Variants in CDC14A observed in about 807,000 individuals in gnomAD.
CDC14A encodes dual specificity protein phosphatase CDC14A.
A neutral mutation model predicts 74.4 loss-of-function variants in CDC14A; 53 were observed. That is an observed-to-expected ratio of 0.71 (90% CI 0.57 to 0.89). The LOEUF is 0.89. CDC14A is among the 40% of genes least tolerant of loss of function. The probability of loss-of-function intolerance (pLI) is 0.00; values close to 1 mark genes in which losing one functional copy is unlikely to be tolerated. For synonymous variants in CDC14A, 247 were observed against 258.4 expected (o/e 0.96, Z 0.43); for missense variants, 646 against 713.7 (o/e 0.91, Z 1.08).
chr1:100,464,667 C>T (rs1021254439), intron 9 of CDC14A, among the ~76,000 whole-genome samples: 9 of 152,102 alleles, frequency 5.9e-5, no homozygotes, highest in Admixed American at 4.6e-4. Context: ...ATTATTACTA[C>T]GTCGTAGAGT....
intron 10 of CDC14A, among the ~76,000 whole-genome samples, chr1:100,473,738 T>TG (rs1396327380): frequency 6.6e-6 from 1 of 152,168 alleles, no homozygotes; most frequent in African/African-American, 2.4e-5. Context: ...GAGTTTTATA[T>TG]GGGAGTGTGT....
chr1:100,445,139 A>G (rs887234160), intron 7 of CDC14A, among the ~76,000 whole-genome samples: 3 of 152,230 alleles, frequency 2.0e-5, no homozygotes, highest in Admixed American at 6.5e-5. Context: ...AATGATTTCT[A>G]TAATGTTTGT....
chr1:100,448,286 C>G (rs528051688), intron 7 of CDC14A, among the ~76,000 whole-genome samples: 1 of 152,294 alleles, frequency 6.6e-6, no homozygotes, highest in East Asian at 1.9e-4. Flanking sequence ...TTATCTGCCC[C>G]CTGCCATAAC....
intron 5 of CDC14A, among the ~76,000 whole-genome samples, chr1:100,429,008 C>A (rs1411548743): frequency 6.6e-6 from 1 of 151,894 alleles, no homozygotes; most frequent in Non-Finnish European, 1.5e-5. Flanking sequence ...CGAGACCAGC[C>A]TGGCCAACAA....
chr1:100,390,671 T>C (rs1657568518), intron 3 of CDC14A, 61 bp from the exon 4 acceptor site: 4 of 1,055,180 alleles, frequency 3.8e-6, no homozygotes, highest in Non-Finnish European at 5.9e-6. Context: ...GATGTTTGCC[T>C]TCTGTATATG....
At chr1:100,485,179 G>T in intron 11 of CDC14A, 1 of 985,320 alleles carries the variant, frequency 1.0e-6, no homozygotes, top group Non-Finnish European at 1.2e-6. Context: ...AACACCATTT[G>T]TTTGGTTCCA....
intron 2 of CDC14A, among the ~76,000 whole-genome samples, chr1:100,368,818 C>T (rs1212504460): frequency 6.6e-6 from 1 of 152,110 alleles, no homozygotes; most frequent in African/African-American, 2.4e-5. Context: ...TGTGTAGTTC[C>T]CACTTATAAA....
chr1:100,430,258 T>C (rs558616745), intron 5 of CDC14A, among the ~76,000 whole-genome samples: 1 of 152,330 alleles, frequency 6.6e-6, no homozygotes, highest in South Asian at 2.1e-4. Context: ...GTATTTTATT[T>C]AATGTGAACA....
chr1:100,415,888 T>G (rs1476724235), intron 4 of CDC14A, among the ~76,000 whole-genome samples: 2 of 152,232 alleles, frequency 1.3e-5, no homozygotes, highest in African/African-American at 4.8e-5. Flanking sequence ...TAAAAAATTA[T>G]AAAGTTGAAT....
At chr1:100,428,067 A>C (rs1032434166) in intron 5 of CDC14A, among the ~76,000 whole-genome samples, 32 of 152,244 alleles carry the variant, frequency 2.1e-4, no homozygotes, top group African/African-American at 7.5e-4. Flanking sequence ...CGAAGTTCAC[A>C]GTATGGGTAC....
At chr1:100,509,928 A>G (rs1649577215) in intron 15 of CDC14A, among the ~76,000 whole-genome samples, 1 of 152,158 alleles carries the variant, frequency 6.6e-6, no homozygotes, top group Admixed American at 6.5e-5. Flanking sequence ...AATAAGGTTG[A>G]CCCATTCTAT....
intron 11 of CDC14A, among the ~76,000 whole-genome samples, chr1:100,489,056 A>G (rs1052076955): frequency 6.6e-6 from 1 of 152,170 alleles, no homozygotes; most frequent in African/African-American, 2.4e-5. Context: ...GTGGCAGTGA[A>G]TGGGGCAGCC....
At chr1:100,401,343 T>C (rs2101013621) in intron 4 of CDC14A, among the ~76,000 whole-genome samples, 1 of 152,190 alleles carries the variant, frequency 6.6e-6, no homozygotes, top group East Asian at 2.0e-4. Context: ...AATGAATGAC[T>C]GTTTAATTGA....
At chr1:100,430,228 A>G (rs1318445511) in intron 5 of CDC14A, among the ~76,000 whole-genome samples, 1 of 152,256 alleles carries the variant, frequency 6.6e-6, no homozygotes, top group Non-Finnish European at 1.5e-5. Context: ...TCTTGGAAAT[A>G]GATGGCTTAT....
chr1:100,520,134 T>C lies in CDC14A; in HGVS notation c.*1854T>C, dbSNP rs1194712027. On this transcript the variant is annotated 3_prime_UTR_variant, in exon 16 of 16. Coordinates refer to ENST00000336454, the MANE Select transcript of CDC14A (RefSeq NM_003672.4). ...GGATGTATATAATATAGAAAGTATA[T>C]AGCAAAGTAATTTTACTCTGATAAT... 6.6e-6 allele frequency: 1 copy of C among 152,554 alleles called. No individual in the cohort carries two copies. Among genetic ancestry groups the C allele is most frequent in the South Asian group, 2.1e-4 (1 of 4,828 alleles). 9.5% of individuals were successfully genotyped at this position (152,554 alleles called of 1,614,324 possible). A position where few individuals can be genotyped will look rare whatever the true frequency, so the allele number is the denominator to read the frequency against.
At chr1:100,489,962 C>T (rs1670453819) in intron 11 of CDC14A, among the ~76,000 whole-genome samples, 1 of 152,146 alleles carries the variant, frequency 6.6e-6, no homozygotes, top group South Asian at 2.1e-4. Flanking sequence ...AGGTTGGGTT[C>T]TCCTCATTTG....
chr1:100,353,906 G>T, intron 2 of CDC14A, 54 bp downstream of exon 2: 1 of 980,538 alleles, frequency 1.0e-6, no homozygotes, highest in Non-Finnish European at 1.6e-6. Flanking sequence ...GTTCTTTGAC[G>T]AGGAAACACT....
rs28361197 is a variant in CDC14A, at chr1:100,376,708, C to T, written c.141-838C>T. Among the ~76,000 whole-genome samples, 14 of 152,060 alleles carry T rather than the reference C, an allele frequency of 9.2e-5. No individual in the cohort carries two copies. In the South Asian group the frequency reaches 2.5e-3, roughly 27 times the overall value. On this transcript the variant is annotated intron_variant, in intron 2 of 15. Transcript: ENST00000336454. Reference sequence around the variant, plus strand: ...AGATCTACAGATTGATGACTGTATCCTGGAGATGTTAGGGGATGAAGAGAG... The same window carrying T: ...AGATCTACAGATTGATGACTGTATCTTGGAGATGTTAGGGGATGAAGAGAG...
At chr1:100,377,036 G>GT (rs60831530) in intron 2 of CDC14A, among the ~76,000 whole-genome samples, 16,068 of 138,100 alleles carry the variant, frequency 0.12, 2,647 homozygotes, top group African/African-American at 0.37. Flanking sequence ...AATTAGTTCT[G>GT]TTTTTTTTTT....
Sources: allele counts gnomAD v4.1 joint callset (sites outside exome capture counted in the v4.1 genomes callset), GRCh38; gene constraint gnomAD v4.1.1; transcripts MANE v1.5; gene names NCBI Gene and HGNC (gene_info 2026-07-23, HGNC 2026-07-21).